The following DNAH14 variants were observed in gnomAD, a reference collection of about 807,000 sequenced individuals.
DNAH14 encodes axonemal beta dynein heavy chain 14.
DNAH14 carries 478 observed loss-of-function variants against 520.9 expected under a neutral mutation model. The observed-to-expected ratio is 0.92, with a 90% CI of 0.85 to 0.99. The LOEUF (loss-of-function observed/expected upper bound fraction) is 0.99. Ranked by LOEUF, DNAH14 falls within the 50% of genes least tolerant of loss-of-function variation. The pLI, the probability that DNAH14 is intolerant of heterozygous loss-of-function variation, is 0.00. For synonymous variants in DNAH14, 1,581 were observed against 1,757.2 expected (o/e 0.90, Z 2.51); for missense variants, 4,831 against 5,234.5 (o/e 0.92, Z 2.38).
intron 41 of DNAH14, among the ~76,000 whole-genome samples, chr1:225,213,886 G>T (rs1574036612): frequency 6.6e-6 from 1 of 152,206 alleles, no homozygotes; most frequent in East Asian, 1.9e-4. Context: ...TTTCCTAATT[G>T]AATACCCTTT....
At chr1:225,050,098 C>A in intron 15 of DNAH14, 112 bp from the exon 16 acceptor site, 1 of 872,874 alleles carries the variant, frequency 1.1e-6, no homozygotes, top group Non-Finnish European at 1.7e-6. Flanking sequence ...ATTGTCTAAC[C>A]CTCATAATAA....
intron 55 of DNAH14, among the ~76,000 whole-genome samples, chr1:225,294,343 ATTTTG>A (rs1289107188): frequency 1.3e-5 from 2 of 151,962 alleles, no homozygotes; most frequent in African/African-American, 2.4e-5. Context: ...GTTTGCTAGT[ATTTTG>A]TTGAGGATTT....
At position 225,140,978 on chromosome 1, in the gene DNAH14, CT is replaced by C; in HGVS notation, c.4466del (p.Leu1489HisfsTer61). On this transcript the variant is annotated frameshift_variant, in exon 28 of 86. Coordinates refer to ENST00000682510, the MANE Select transcript of DNAH14 (RefSeq NM_001367479.1). LOFTEE classifies it high-confidence loss of function. ...CTGCAGAGATATAGTGATAAATTTA[CT>C]ACTTAAAAATATCTTCAATGCAGAG... is the stretch of plus-strand genomic sequence containing the variant. ...VHCRDIVINL[L>X]LKNIFNAEDF... is the part of the protein sequence containing the mutation. The C allele has an allele frequency of 1.9e-6, 3 of 1,550,862 alleles. No homozygotes were observed. The highest frequency in any genetic ancestry group is 2.6e-6 in the Non-Finnish European group (3 of 1,146,612).
intron 38 of DNAH14, 33 bp downstream of exon 38, chr1:225,192,944 A>G (rs1156273900): frequency 2.1e-6 from 3 of 1,462,074 alleles, no homozygotes. Context: ...GTTTTTATTT[A>G]ACTAATGTGG....
chr1:224,955,380 T>G (rs2060446152), intron 3 of DNAH14, among the ~76,000 whole-genome samples: 1 of 152,170 alleles, frequency 6.6e-6, no homozygotes, highest in African/African-American at 2.4e-5. Flanking sequence ...TTTTCATGCA[T>G]ATCATGTCAT....
chr1:225,038,889 T>A, intron 12 of DNAH14, 66 bp downstream of exon 12: 1 of 1,330,350 alleles, frequency 7.5e-7, no homozygotes, highest in East Asian at 2.8e-5. Context: ...TTTTAAAATT[T>A]AAAATGTGAT....
intron 64 of DNAH14, among the ~76,000 whole-genome samples, chr1:225,327,687 C>T (rs546247069): frequency 1.3e-5 from 2 of 151,322 alleles, no homozygotes; most frequent in Non-Finnish European, 2.9e-5. Context: ...CGAACCAAAC[C>T]CAAAGCTAGC....
Position 225,023,775 on chromosome 1 carries a change from T to A in DNAH14, c.1268T>A (p.Met423Lys), listed in dbSNP as rs1180583119. The A allele has an allele frequency of 2.6e-6, 4 of 1,550,792 alleles. No homozygotes were observed. The highest frequency in any genetic ancestry group is 3.5e-6 in the Non-Finnish European group (4 of 1,146,538). ...YIFQELIRQL[M>K]NTAVTLLLEL... ...TTTCAGGAACTCATTCGTCAACTTATGAACACTGCAGTCACACTACTTTTG... is the reference window on the plus strand; with the variant it reads ...TTTCAGGAACTCATTCGTCAACTTAAGAACACTGCAGTCACACTACTTTTG... Residue 423 changes from methionine to lysine, a missense_variant, in exon 11 of 86, where the codon ATG becomes AAG. Transcript: ENST00000682510.
chr1:224,974,426 A>C (rs909105965), intron 8 of DNAH14, among the ~76,000 whole-genome samples: 3 of 152,232 alleles, frequency 2.0e-5, no homozygotes, highest in African/African-American at 7.2e-5. Flanking sequence ...AAGAATAATT[A>C]AGTCATTTAA....
rs1400355523 is a variant in DNAH14, at chr1:225,337,497, G to A, written c.10311+1G>A. Reference sequence around the variant, plus strand: ...GACAGGAGGGAGTGTCCTCCTGCAGGTAAGTGGGCAGTATGGCCTAATTTC... The same window carrying A: ...GACAGGAGGGAGTGTCCTCCTGCAGATAAGTGGGCAGTATGGCCTAATTTC... On this transcript the variant is annotated splice_donor_variant, in intron 67 of 85. Coordinates refer to ENST00000682510, the MANE Select transcript of DNAH14 (RefSeq NM_001367479.1). LOFTEE classifies it high-confidence loss of function. The A allele has an allele frequency of 6.5e-7, 1 of 1,550,298 alleles. No homozygotes were observed. The highest frequency in any genetic ancestry group is 2.4e-5 in the East Asian group (1 of 40,900).
chr1:225,171,128 A>G (rs1238665216), intron 36 of DNAH14, among the ~76,000 whole-genome samples: 1 of 152,246 alleles, frequency 6.6e-6, no homozygotes, highest in Non-Finnish European at 1.5e-5. Context: ...CAGTGTGTAG[A>G]GGGAAATTTA....
Position 225,341,499 on chromosome 1 carries a change from T to C in DNAH14, c.10678+798T>C, listed in dbSNP as rs1574916010. On this transcript the variant is annotated intron_variant, in intron 69 of 85. Transcript: ENST00000682510. The stretch of plus-strand genomic sequence containing the variant: ...CTGACCAACATGGAGAAACCCCGTC[T>C]CTACTAAAAATACAAAATTAGCCAG... Among the ~76,000 whole-genome samples the C allele has an allele frequency of 2.6e-5, 4 of 152,070 alleles. No individual in the cohort carries two copies. The South Asian group carries it at 6.2e-4, about 24-fold the overall frequency.
At chr1:224,971,678 A>G (rs1250637767) in intron 7 of DNAH14, among the ~76,000 whole-genome samples, 1 of 152,194 alleles carries the variant, frequency 6.6e-6, no homozygotes, top group African/African-American at 2.4e-5. Flanking sequence ...GATGAAAAAG[A>G]GACAGCCATG....
chr1:225,075,643 T>G (rs191922407), intron 17 of DNAH14, among the ~76,000 whole-genome samples: 1 of 152,246 alleles, frequency 6.6e-6, no homozygotes, highest in East Asian at 1.9e-4. Flanking sequence ...GTGTTGTTAT[T>G]GAGTCCAGGA....
chr1:225,098,313 C>A (rs1177464013), intron 22 of DNAH14, among the ~76,000 whole-genome samples: 1 of 152,084 alleles, frequency 6.6e-6, no homozygotes, highest in Non-Finnish European at 1.5e-5. Flanking sequence ...CATTCAAATT[C>A]ATTGACCTCT....
At chr1:224,947,043 G>A (rs1399702186) in intron 1 of DNAH14, among the ~76,000 whole-genome samples, 1 of 150,286 alleles carries the variant, frequency 6.7e-6, no homozygotes, top group Non-Finnish European at 1.5e-5. Context: ...TCAGCCTCCC[G>A]AGTAGCTGGG....
chr1:225,278,985 T>C (rs1029952266), intron 54 of DNAH14, among the ~76,000 whole-genome samples: 18 of 152,186 alleles, frequency 1.2e-4, no homozygotes, highest in African/African-American at 3.9e-4. Flanking sequence ...TTTTTTTGTT[T>C]GTTTGTTTGT....
At chr1:225,031,269 AG>A (rs1487090590) in intron 11 of DNAH14, among the ~76,000 whole-genome samples, 7 of 152,086 alleles carry the variant, frequency 4.6e-5, no homozygotes, top group South Asian at 2.1e-4. Flanking sequence ...TTTCTTTGGT[AG>A]ACAATTTAAG....
chr1:225,099,766 T>C (rs1308527198), intron 22 of DNAH14, among the ~76,000 whole-genome samples: 2 of 152,106 alleles, frequency 1.3e-5, no homozygotes, highest in African/African-American at 4.8e-5. Context: ...AATGGTGCAA[T>C]ATAGAGGTTC....
Sources: gnomAD v4.1 joint callset for allele counts (sites outside exome capture counted in the v4.1 genomes callset) on GRCh38, gnomAD v4.1.1 for gene constraint, MANE v1.5 for transcripts, NCBI Gene and HGNC (gene_info 2026-07-23, HGNC 2026-07-21) for gene names.